IPO7: variants seen among roughly 807,000 people sequenced by gnomAD.
IPO7 encodes the protein importin-7.
A neutral mutation model predicts 136.4 loss-of-function variants in IPO7; 13 were observed. The observed-to-expected ratio is 0.10, with a 90% CI of 0.06 to 0.15. The LOEUF (loss-of-function observed/expected upper bound fraction) is 0.15. Ranked by LOEUF, IPO7 falls within the 10% of genes least tolerant of loss-of-function variation. IPO7 has a pLI of 1.00. For synonymous variants in IPO7, 403 were observed against 404.4 expected, an observed-to-expected ratio of 1.00 and a Z score of 0.04; for missense variants, 857 against 1,240.6, an observed-to-expected ratio of 0.69 and a Z score of 4.65.
rs530553218 is a variant in IPO7 at position 9,410,936 on chromosome 11, G to C, written c.479+850G>C. On this transcript the variant is annotated intron_variant, in intron 4 of 24. Transcript: ENST00000379719. ...AGTTAGCCTCCAATACCCTCTTTGGGTCCCATCTCAAAGTGGCTGATGAAC... is the reference window on the plus strand; with the variant it reads ...AGTTAGCCTCCAATACCCTCTTTGGCTCCCATCTCAAAGTGGCTGATGAAC... 3.3e-5 allele frequency among the ~76,000 whole-genome samples: 5 copies of C among 152,228 alleles called. No individual in the cohort carries two copies. In the South Asian group the frequency reaches 1.0e-3, roughly 32 times the overall value.
At chr11:9,425,040 T>C (rs747218292) in intron 11 of IPO7, 50 bp downstream of exon 11, 1 of 1,360,652 alleles carries the variant, frequency 7.3e-7, no homozygotes, top group Non-Finnish European at 1.0e-6. Context: ...TTAAAATTTA[T>C]TCAACTATAC....
At chr11:9,434,604 T>C (rs1855344775) in intron 18 of IPO7, among the ~76,000 whole-genome samples, 1 of 152,214 alleles carries the variant, frequency 6.6e-6, no homozygotes, top group Admixed American at 6.5e-5. Context: ...TCAACCAGCC[T>C]GGGCTATTAG....
chr11:9,438,043 CAGT>C (rs1855404300), intron 21 of IPO7, 34 bp from the exon 22 acceptor site: 3 of 876,540 alleles, frequency 3.4e-6, no homozygotes, highest in East Asian at 3.6e-5. Context: ...GAAAAGAAAA[CAGT>C]TTTTTTTTTT....
In IPO7 at chr11:9,438,045, G is replaced by GTTTTTTTTTTT. The variant is rs202038310; in HGVS notation, c.2490-13_2490-3dup. 120 of 1,093,638 alleles carry GTTTTTTTTTTT rather than the reference G, an allele frequency of 1.1e-4. 4 individuals are homozygous for GTTTTTTTTTTT. The highest frequency in any genetic ancestry group is 3.5e-4 in the South Asian group (22 of 62,086). 67.7% of individuals were successfully genotyped at this position (1,093,638 alleles called of 1,614,324 possible). A position where few individuals can be genotyped will look rare whatever the true frequency, so the allele number is the denominator to read the frequency against. On this transcript the variant is annotated intron_variant, in intron 21 of 24. Coordinates refer to ENST00000379719, the MANE Select transcript of IPO7 (RefSeq NM_006391.3). ...TCTGCTTATTTAAGAAAAGAAAACA[G>GTTTTTTTTTTT]TTTTTTTTTTTTTTTTTTTTTTTTT...
At chr11:9,444,972 C>T in intron 24 of IPO7, 125 bp from the exon 25 acceptor site, 1 of 644,138 alleles carries the variant, frequency 1.6e-6, no homozygotes, top group South Asian at 1.8e-5. Flanking sequence ...TTGGAGAAAT[C>T]ATGGATTTTG....
At chr11:9,430,805 A>T in intron 15 of IPO7, 70 bp from the exon 16 acceptor site, 2 of 1,336,726 alleles carry the variant, frequency 1.5e-6, no homozygotes, top group Non-Finnish European at 2.1e-6. Context: ...TCTAAGAATT[A>T]AAAGTCTTAG....
At chr11:9,410,127 G>C (rs1226077191) in intron 4 of IPO7, 41 bp downstream of exon 4, 2 of 1,341,912 alleles carry the variant, frequency 1.5e-6, no homozygotes, top group East Asian at 5.4e-5. Context: ...TTGAGAAGTA[G>C]GAAAAGTTGG....
chr11:9,441,983 AGTATTGC>A (rs1855465089), intron 23 of IPO7, 91 bp from the exon 24 acceptor site: 3 of 570,506 alleles, frequency 5.3e-6, no homozygotes, highest in Non-Finnish European at 9.6e-6. Flanking sequence ...TCAGAATTTC[AGTATTGC>A]CTCGGGATGG....
intron 16 of IPO7, chr11:9,433,365 C>T: frequency 3.9e-6 from 2 of 516,052 alleles, no homozygotes; most frequent in Non-Finnish European, 3.4e-6. Context: ...CTAGCCATTC[C>T]TTGTGTTTTT....
intron 24 of IPO7, among the ~76,000 whole-genome samples, chr11:9,442,684 A>G (rs1316354417): frequency 6.6e-6 from 1 of 151,992 alleles, no homozygotes; most frequent in Non-Finnish European, 1.5e-5. Context: ...AACTGCTGAG[A>G]TTACAGGCGT....
At chr11:9,406,639 A>T (rs1398511290) in intron 2 of IPO7, among the ~76,000 whole-genome samples, 1 of 152,138 alleles carries the variant, frequency 6.6e-6, no homozygotes, top group African/African-American at 2.4e-5. Flanking sequence ...GGAAGGCCGT[A>T]GATGGGGGAT....
intron 23 of IPO7, among the ~76,000 whole-genome samples, chr11:9,441,551 A>G (rs543082282): frequency 6.6e-5 from 10 of 152,304 alleles, no homozygotes; most frequent in African/African-American, 2.4e-4. Flanking sequence ...GGCAGTTTTG[A>G]TGCAAGGTTA....
intron 18 of IPO7, among the ~76,000 whole-genome samples, chr11:9,434,492 A>G (rs1041900354): frequency 2.4e-4 from 36 of 152,214 alleles, no homozygotes; most frequent in African/African-American, 8.4e-4. Context: ...TTATAAATGA[A>G]TATGTTTTAA....
chr11:9,436,745 C>T lies in IPO7; in HGVS notation c.2268+379C>T, dbSNP rs553146907. On this transcript the variant is annotated intron_variant, in intron 20 of 24. Coordinates refer to ENST00000379719, the MANE Select transcript of IPO7 (RefSeq NM_006391.3). ...TTGCCCAGACTGGAGTGCAGTGGCA[C>T]ATTCTCTGCTGACTGCAACCAGATT... Among the ~76,000 whole-genome samples, 4 of 146,564 alleles carry T rather than the reference C, an allele frequency of 2.7e-5. No individual in the cohort carries two copies. The East Asian group carries it at 8.0e-4, about 29-fold the overall frequency.
At position 9,414,826 on chromosome 11, in the gene IPO7, A is replaced by C. The variant is rs189139553; in HGVS notation, c.636+415A>C. Among the ~76,000 whole-genome samples the C allele has an allele frequency of 2.6e-3, 398 of 151,580 alleles. 1 individual carries two copies. Among genetic ancestry groups the C allele is most frequent in the African/African-American group, 9.3e-3 (384 of 41,340 alleles). Reference sequence around the variant, plus strand: ...TTTTTAATGGAGACAGGGTTTCACCATGTTGGTCATGCTGGTCTCGAACTC... The same window carrying C: ...TTTTTAATGGAGACAGGGTTTCACCCTGTTGGTCATGCTGGTCTCGAACTC... On this transcript the variant is annotated intron_variant, in intron 5 of 24. Coordinates refer to ENST00000379719, the MANE Select transcript of IPO7 (RefSeq NM_006391.3).
chr11:9,429,628 G>T (rs900466344), intron 14 of IPO7, 46 bp from the exon 15 acceptor site: 13 of 1,495,130 alleles, frequency 8.7e-6, no homozygotes, highest in Non-Finnish European at 1.2e-5. Flanking sequence ...CAGGTTTTAA[G>T]AAGTTTTAGG....
rs762570350 is a variant in IPO7, at chr11:9,410,012, T to C, written c.405T>C (p.Phe135=). 4 of 1,608,102 alleles carry C rather than the reference T, an allele frequency of 2.5e-6. No individual in the cohort carries two copies. Among genetic ancestry groups the C allele is most frequent in the Non-Finnish European group, 3.4e-6 (4 of 1,177,732 alleles). Residue 135 remains phenylalanine, a synonymous_variant, in exon 4 of 25, where the codon TTT becomes TTC. Coordinates refer to ENST00000379719, the MANE Select transcript of IPO7 (RefSeq NM_006391.3). ...CTGCCATTGTGGACAAAATTGGCTTTTATCTTCAGTCCGATAACAGTGCTT... is the reference window on the plus strand; with the variant it reads ...CTGCCATTGTGGACAAAATTGGCTTCTATCTTCAGTCCGATAACAGTGCTT... ...RWTAIVDKIG[F]YLQSDNSACW...
chr11:9,435,583 C>A (rs1855358155), intron 19 of IPO7, among the ~76,000 whole-genome samples: 1 of 152,182 alleles, frequency 6.6e-6, no homozygotes, highest in Non-Finnish European at 1.5e-5. Flanking sequence ...CCTTTCTGAA[C>A]ACGAAGTCAC....
chr11:9,437,294 G>A (rs1330594249), intron 20 of IPO7, among the ~76,000 whole-genome samples: 2 of 151,810 alleles, frequency 1.3e-5, no homozygotes, highest in African/African-American at 4.8e-5. Context: ...GTCTCGCTCT[G>A]TCGCTCAGGC....
Sources: allele counts gnomAD v4.1 joint callset (sites outside exome capture counted in the v4.1 genomes callset), GRCh38; gene constraint gnomAD v4.1.1; transcripts MANE v1.5; gene names NCBI Gene and HGNC (gene_info 2026-07-23, HGNC 2026-07-21).